Variants in PLXDC2 observed in about 807,000 individuals in gnomAD.
PLXDC2 encodes plexin domain-containing protein 2.
PLXDC2 carries 40 observed loss-of-function variants against 68.9 expected under a neutral mutation model. The ratio of observed to expected loss-of-function variants is 0.58; its 90% CI spans 0.45 to 0.76. PLXDC2 has a LOEUF of 0.76. Among genes scored for constraint, PLXDC2 ranks in the 30% least tolerant of loss-of-function variants. PLXDC2 has a pLI of 0.00. For missense variants in PLXDC2, 644 were observed against 661.9 expected (o/e 0.97, Z 0.30); for synonymous variants, 243 against 234.2 (o/e 1.04, Z -0.34).
intron 1 of PLXDC2, among the ~76,000 whole-genome samples, chr10:19,854,950 A>G (rs559078986): frequency 6.6e-6 from 1 of 152,354 alleles, no homozygotes; most frequent in South Asian, 2.1e-4. Context: ...TTCATTTAAA[A>G]TATTTTTATA....
chr10:19,952,097 C>T (rs1377677140), intron 1 of PLXDC2, among the ~76,000 whole-genome samples: 2 of 152,080 alleles, frequency 1.3e-5, no homozygotes, highest in Non-Finnish European at 2.9e-5. Context: ...CAGCATCATG[C>T]CATATACCCT....
chr10:20,072,984 C>T (rs1490347427), intron 4 of PLXDC2, among the ~76,000 whole-genome samples: 1 of 152,090 alleles, frequency 6.6e-6, no homozygotes, highest in African/African-American at 2.4e-5. Context: ...ATGTTCTTAA[C>T]CATGGAAGGC....
At chr10:20,208,428 A>G (rs1214181740) in intron 9 of PLXDC2, among the ~76,000 whole-genome samples, 7 of 145,008 alleles carry the variant, frequency 4.8e-5, no homozygotes, top group South Asian at 4.2e-4. Context: ...AACTGCCCCT[A>G]TGATTAGATT....
chr10:19,936,311 T>C (rs1273635763), intron 1 of PLXDC2, among the ~76,000 whole-genome samples: 2 of 152,168 alleles, frequency 1.3e-5, no homozygotes, highest in Non-Finnish European at 2.9e-5. Context: ...TTGTCTGCTT[T>C]ATGCTTTATG....
At chr10:19,838,415 G>A (rs1165223645) in intron 1 of PLXDC2, among the ~76,000 whole-genome samples, 2 of 152,142 alleles carry the variant, frequency 1.3e-5, no homozygotes, top group African/African-American at 2.4e-5. Flanking sequence ...TTACTCTGTT[G>A]TTTCCTAGCC....
At chr10:19,927,105 T>C (rs1349730879) in intron 1 of PLXDC2, among the ~76,000 whole-genome samples, 1 of 152,212 alleles carries the variant, frequency 6.6e-6, no homozygotes, top group African/African-American at 2.4e-5. Context: ...CATTTATTTA[T>C]TCAGTAGTCA....
At chr10:19,876,961 A>C (rs1288879865) in intron 1 of PLXDC2, among the ~76,000 whole-genome samples, 1 of 152,236 alleles carries the variant, frequency 6.6e-6, no homozygotes, top group Admixed American at 6.5e-5. Flanking sequence ...AATTAATATT[A>C]GCCATAGATT....
At chr10:20,133,429 A>C (rs1833894179) in intron 4 of PLXDC2, among the ~76,000 whole-genome samples, 2 of 152,096 alleles carry the variant, frequency 1.3e-5, no homozygotes, top group South Asian at 4.1e-4. Context: ...TGTCTGGGAA[A>C]TTCTGTCTCT....
At chr10:19,928,749 CTTTTTTTTTTT>C (rs796581734) in intron 1 of PLXDC2, among the ~76,000 whole-genome samples, 14 of 105,204 alleles carry the variant, frequency 1.3e-4, no homozygotes, top group African/African-American at 4.6e-4. Context: ...GAAGATAGGA[CTTTTTTTTTTT>C]TTTTTTTTTT....
intron 4 of PLXDC2, among the ~76,000 whole-genome samples, chr10:20,129,526 CAT>C (rs35632011): frequency 6.8e-6 from 1 of 146,764 alleles, no homozygotes. Context: ...TATACATACA[CAT>C]ATATATATAT....
intron 1 of PLXDC2, among the ~76,000 whole-genome samples, chr10:19,862,651 C>G (rs1344060174): frequency 1.3e-5 from 2 of 152,106 alleles, no homozygotes; most frequent in Non-Finnish European, 2.9e-5. Context: ...ATTTATATTA[C>G]CTACACTACA....
chr10:20,107,065 G>A (rs2252665), intron 4 of PLXDC2, among the ~76,000 whole-genome samples: 103,807 of 147,544 alleles, frequency 0.7, 37,463 homozygotes, highest in African/African-American at 0.84. Flanking sequence ...TACACTATAT[G>A]CTATATATAT....
chr10:20,132,344 T>G (rs1258995943), intron 4 of PLXDC2, among the ~76,000 whole-genome samples: 1 of 152,220 alleles, frequency 6.6e-6, no homozygotes, highest in Non-Finnish European at 1.5e-5. Context: ...ACGTTCTATA[T>G]ATCTCTGTTA....
intron 6 of PLXDC2, among the ~76,000 whole-genome samples, chr10:20,163,561 C>T (rs1457845741): frequency 1.3e-5 from 2 of 152,096 alleles, no homozygotes; most frequent in African/African-American, 2.4e-5. Context: ...CCAAAATCTG[C>T]TTATTCTGCC....
At chr10:19,880,194 A>G (rs1447460464) in intron 1 of PLXDC2, among the ~76,000 whole-genome samples, 2 of 152,196 alleles carry the variant, frequency 1.3e-5, no homozygotes, top group East Asian at 3.8e-4. Flanking sequence ...ATACTTAAAA[A>G]TCATTTTCTA....
intron 1 of PLXDC2, among the ~76,000 whole-genome samples, chr10:19,967,771 T>C: frequency 6.6e-6 from 1 of 151,912 alleles, no homozygotes; most frequent in South Asian, 2.1e-4. Flanking sequence ...AAAAATCAGA[T>C]CATCCTGCAT....
At chr10:20,149,718 A>G (rs553221166) in intron 6 of PLXDC2, among the ~76,000 whole-genome samples, 2 of 152,194 alleles carry the variant, frequency 1.3e-5, no homozygotes, top group East Asian at 3.9e-4. Context: ...AATGGCCTCC[A>G]GCTCCATCCA....
intron 13 of PLXDC2, among the ~76,000 whole-genome samples, chr10:20,275,488 G>C (rs925733473): frequency 1.3e-5 from 2 of 152,128 alleles, no homozygotes; most frequent in African/African-American, 4.8e-5. Context: ...ACTCCATGAG[G>C]GCTCGGGGAG....
intron 3 of PLXDC2, among the ~76,000 whole-genome samples, chr10:20,055,191 G>C (rs1303026973): frequency 1.3e-5 from 2 of 152,002 alleles, no homozygotes; most frequent in African/African-American, 2.4e-5. Context: ...ATATTGAACT[G>C]TCCTTGATGA....
Sources: allele counts gnomAD v4.1 joint callset (sites outside exome capture counted in the v4.1 genomes callset), GRCh38; gene constraint gnomAD v4.1.1; transcripts MANE v1.5; gene names NCBI Gene and HGNC (gene_info 2026-07-23, HGNC 2026-07-21).